PCNX1: variants seen among roughly 807,000 people sequenced by gnomAD.
PCNX1 encodes the protein pecanex-like protein 1.
Under a neutral mutation model 242.2 loss-of-function variants are expected in PCNX1, and 78 were observed. The ratio of observed to expected loss-of-function variants is 0.32; its 90% CI spans 0.27 to 0.39. PCNX1 has a LOEUF of 0.39. Among genes scored for constraint, PCNX1 ranks in the 10% least tolerant of loss-of-function variants. The pLI is 1.00. For missense variants in PCNX1, 2,581 were observed against 2,856.5 expected, an observed-to-expected ratio of 0.90 and a Z score of 2.20; for synonymous variants, 1,024 against 1,032.9, an observed-to-expected ratio of 0.99 and a Z score of 0.17.
rs202023533 is a variant in PCNX1 at position 70,976,969 on chromosome 14, G to T, written c.632G>T (p.Arg211Leu). The T allele has an allele frequency of 1.2e-6, 2 of 1,613,222 alleles. No individual in the cohort carries two copies. Among genetic ancestry groups the T allele is most frequent in the East Asian group, 2.2e-5 (1 of 44,866 alleles). The change falls in exon 6 of 36, where the codon CGT becomes CTT. Residue 211 changes from arginine (R) to leucine (L), a missense_variant. By Grantham distance (102) the Arg-to-Leu change is moderately radical (BLOSUM62 -2). This residue lies in a region of PCNX1 where 1,204 missense variants were observed against 1,216.7 expected (regional missense o/e 0.99). Coordinates refer to ENST00000304743, the MANE Select transcript of PCNX1 (RefSeq NM_014982.3). ...QDLAADRKLF[R>L]LVSNDSFISI... is the part of the protein sequence containing the mutation. ...TTGGCAGCTGATCGGAAGCTCTTTC[G>T]TCTTGTCTCCAATGACTCCTTCATC...
Position 71,023,166 on chromosome 14 carries a change from A to G in PCNX1, c.3151-34A>G, listed in dbSNP as rs766420913. ...TTGGTTGTAAAATTAGCAAGACTTC[A>G]GGAGTGTAATTTGTCTTTCTGTTTC... On this transcript the variant is annotated intron_variant, in intron 12 of 35. Coordinates refer to ENST00000304743, the MANE Select transcript of PCNX1 (RefSeq NM_014982.3). 9 of 1,567,028 alleles carry G rather than the reference A, an allele frequency of 5.7e-6. No individual in the cohort carries two copies. In the East Asian group the frequency reaches 2.0e-4, roughly 35 times the overall value.
chr14:70,913,742 A>G (rs1452199831), intron 1 of PCNX1, among the ~76,000 whole-genome samples: 1 of 152,208 alleles, frequency 6.6e-6, no homozygotes, highest in African/African-American at 2.4e-5. Context: ...AACAAGATTT[A>G]GTTAGGGTGA....
At chr14:70,944,023 TCTG>T (rs2057366572) in intron 1 of PCNX1, among the ~76,000 whole-genome samples, 2 of 152,210 alleles carry the variant, frequency 1.3e-5, no homozygotes, top group African/African-American at 4.8e-5. Flanking sequence ...TGGGCAGAAG[TCTG>T]CTGCAGTGGT....
intron 7 of PCNX1, among the ~76,000 whole-genome samples, chr14:70,989,717 C>G (rs907380638): frequency 6.6e-6 from 1 of 151,776 alleles, no homozygotes; most frequent in African/African-American, 2.4e-5. Context: ...ATTGTAGAGA[C>G]AGGGTTTTTT....
chr14:71,105,536 G>A (rs574858553), intron 33 of PCNX1, 96 bp downstream of exon 33: 1 of 929,818 alleles, frequency 1.1e-6, no homozygotes, highest in South Asian at 1.7e-5. Context: ...TGGTCCACTT[G>A]GAAATTCAGA....
rs555823339 is a variant in PCNX1, at chr14:71,049,074, A to G, written c.4338+1090A>G. Reference sequence around the variant, plus strand: ...AAGCATGTGGTTTCCCACAAACTCAAATATTTAGATTGAAAATTGTATTTC... The same window carrying G: ...AAGCATGTGGTTTCCCACAAACTCAGATATTTAGATTGAAAATTGTATTTC... On this transcript the variant is annotated intron_variant, in intron 22 of 35. Coordinates refer to ENST00000304743, the MANE Select transcript of PCNX1 (RefSeq NM_014982.3). 9.7e-6 allele frequency: 9 copies of G among 925,382 alleles called. 1 individual carries two copies. The highest frequency in any genetic ancestry group is 2.4e-4 in the East Asian group (2 of 8,508). The allele number at this position is 925,382 out of a possible 1,614,324, so 57.3% of individuals were successfully genotyped here.
intron 8 of PCNX1, among the ~76,000 whole-genome samples, chr14:70,996,943 C>T (rs1404423523): frequency 2.6e-5 from 4 of 151,982 alleles, no homozygotes; most frequent in East Asian, 1.9e-4. Flanking sequence ...GTATGCATAT[C>T]GATGAAAAGT....
chr14:71,098,225 C>T (rs1264728674), intron 30 of PCNX1, among the ~76,000 whole-genome samples: 1 of 152,062 alleles, frequency 6.6e-6, no homozygotes, highest in Non-Finnish European at 1.5e-5. Context: ...ATTCCTCTGG[C>T]TTTGTTCTTT....
Position 71,009,584 on chromosome 14 carries a change from A to C in PCNX1, c.2630-50A>C, listed in dbSNP as rs773970480. On this transcript the variant is annotated intron_variant, in intron 8 of 35. Transcript: ENST00000304743. ...ACGAAATTTAGTATATCATGAAGGAAAAATTCTGAGTATTCTAATGGCTTT... is the reference window on the plus strand; with the variant it reads ...ACGAAATTTAGTATATCATGAAGGACAAATTCTGAGTATTCTAATGGCTTT... The C allele has an allele frequency of 7.2e-6, 8 of 1,107,898 alleles. No homozygotes were observed. In the African/African-American group the frequency reaches 1.2e-4, roughly 17 times the overall value. 68.6% of individuals were successfully genotyped at this position (1,107,898 alleles called of 1,614,324 possible).
chr14:70,940,507 G>A (rs1566593171), intron 1 of PCNX1, among the ~76,000 whole-genome samples: 1 of 152,228 alleles, frequency 6.6e-6, no homozygotes, highest in Non-Finnish European at 1.5e-5. Context: ...CTGTTAGTCT[G>A]ATGGGCTTCC....
intron 1 of PCNX1, among the ~76,000 whole-genome samples, chr14:70,941,361 C>T (rs982527038): frequency 6.6e-6 from 1 of 152,212 alleles, no homozygotes; most frequent in African/African-American, 2.4e-5. Context: ...TCAGGACTCT[C>T]AGCTGCAGGT....
chr14:71,031,879 C>T (rs977880953), intron 16 of PCNX1: 26 of 1,453,498 alleles, frequency 1.8e-5, no homozygotes, highest in South Asian at 5.7e-5. Context: ...TTTCACAGCA[C>T]GAGCAGATTT....
At chr14:70,992,229 T>A (rs1030393435) in intron 7 of PCNX1, among the ~76,000 whole-genome samples, 1 of 152,136 alleles carries the variant, frequency 6.6e-6, no homozygotes, top group African/African-American at 2.4e-5. Flanking sequence ...TAATTCTAGT[T>A]AATTGCCTGG....
intron 5 of PCNX1, among the ~76,000 whole-genome samples, chr14:70,972,408 A>AT (rs551932500): frequency 4.1e-4 from 63 of 152,340 alleles, no homozygotes; most frequent in Admixed American, 1.4e-3. Context: ...CAGTGGATAA[A>AT]TAAAAACAAC....
chr14:70,937,389 G>A (rs2057050839), intron 1 of PCNX1, among the ~76,000 whole-genome samples: 5 of 152,146 alleles, frequency 3.3e-5, no homozygotes, highest in Admixed American at 2.6e-4. Flanking sequence ...ATTAAATAGG[G>A]AATCCTTTCC....
chr14:71,082,334 G>A (rs951883919), intron 28 of PCNX1, among the ~76,000 whole-genome samples: 2 of 152,192 alleles, frequency 1.3e-5, no homozygotes, highest in East Asian at 1.9e-4. Flanking sequence ...TGTATATTCT[G>A]TTGATTTGGG....
Position 71,076,184 on chromosome 14 carries a change from G to A in PCNX1, c.5107-5G>A. On this transcript the variant is annotated splice_region_variant and splice_polypyrimidine_tract_variant and intron_variant, in intron 27 of 35. Transcript: ENST00000304743. ...ATTCTTTTTTTTTTGTCTTGTTCATGTTAGGGTATCATTTATTATGTTACG... is the reference window on the plus strand; with the variant it reads ...ATTCTTTTTTTTTTGTCTTGTTCATATTAGGGTATCATTTATTATGTTACG... 1 of 1,521,412 alleles carries A rather than the reference G, an allele frequency of 6.6e-7. No homozygotes were observed. The highest frequency in any genetic ancestry group is 9.1e-7 in the Non-Finnish European group (1 of 1,099,050). 94.2% of individuals were successfully genotyped at this position (1,521,412 alleles called of 1,614,324 possible). A position where few individuals can be genotyped will look rare whatever the true frequency, so the allele number is the denominator to read the frequency against.
rs1377111849 is a variant in PCNX1 at position 70,946,790 on chromosome 14, T to C, written c.154-125T>C. The C allele has an allele frequency of 1.3e-5, 9 of 719,632 alleles. No homozygotes were observed. The African/African-American group carries it at 1.6e-4, about 13-fold the overall frequency. 44.6% of individuals were successfully genotyped at this position (719,632 alleles called of 1,614,324 possible). ...ATTGAAGCTGCTAAGTTTTGCAGCT[T>C]AGCGCTAGTAACATAGTTGTTGCTT... On this transcript the variant is annotated intron_variant, in intron 1 of 35. Transcript: ENST00000304743.
At chr14:70,975,998 G>A (rs568916106) in intron 5 of PCNX1, among the ~76,000 whole-genome samples, 2 of 152,156 alleles carry the variant, frequency 1.3e-5, no homozygotes, top group South Asian at 2.1e-4. Flanking sequence ...GCAAGAGGAT[G>A]TCTTACATCA....
Sources: gnomAD v4.1 joint callset for allele counts (sites outside exome capture counted in the v4.1 genomes callset) on GRCh38, gnomAD v4.1.1 for gene constraint, gnomAD v4.1.1 regional missense constraint, MANE v1.5 for transcripts, NCBI Gene and HGNC (gene_info 2026-07-23, HGNC 2026-07-21) for gene names.